The following TENT4B variants were observed in gnomAD, a reference collection of about 807,000 sequenced individuals.
TENT4B encodes terminal nucleotidyltransferase 4B.
TENT4B carries 10 observed loss-of-function variants against 75.0 expected under a neutral mutation model. The ratio of observed to expected loss-of-function variants is 0.13; its 90% CI spans 0.08 to 0.23. The LOEUF is 0.23. TENT4B is among the 10% of genes least tolerant of loss of function. TENT4B has a pLI of 1.00. For synonymous variants in TENT4B, 350 were observed against 357.7 expected, an observed-to-expected ratio of 0.98 and a Z score of 0.24; for missense variants, 579 against 893.8, an observed-to-expected ratio of 0.65 and a Z score of 4.49.
chr16:50,203,298 G>A (rs547610762), intron 1 of TENT4B, among the ~76,000 whole-genome samples: 5 of 152,060 alleles, frequency 3.3e-5, no homozygotes, highest in African/African-American at 1.2e-4. Context: ...TTTAGGGGAG[G>A]GAATGAGTTT....
At chr16:50,171,780 T>G (rs751084790) in intron 1 of TENT4B, among the ~76,000 whole-genome samples, 7 of 148,518 alleles carry the variant, frequency 4.7e-5, no homozygotes, top group Non-Finnish European at 7.5e-5. Context: ...GCCTGGCCAA[T>G]GTGGTGAAAC....
Position 50,234,679 on chromosome 16 carries a change from A to G in TENT4B, c.*5351A>G. Reference sequence around the variant, plus strand: ...AAGTCCTACAATCCTAAAATAAATCACAAGCTTGTTTGTTAGACGTGTCAA... The same window carrying G: ...AAGTCCTACAATCCTAAAATAAATCGCAAGCTTGTTTGTTAGACGTGTCAA... On this transcript the variant is annotated 3_prime_UTR_variant, in exon 12 of 12. Transcript: ENST00000561678. 1.0e-6 allele frequency: 1 copy of G among 985,462 alleles called. No homozygotes were observed. The highest frequency in any genetic ancestry group is 1.2e-6 in the Non-Finnish European group (1 of 829,932). The allele number at this position is 985,462 out of a possible 1,614,324, so 61.0% of individuals were successfully genotyped here.
Position 50,154,559 on chromosome 16 carries a change from C to T in TENT4B, c.638+300C>T, listed in dbSNP as rs184739038. 2.4e-3 allele frequency among the ~76,000 whole-genome samples: 357 copies of T among 151,514 alleles called. 3 individuals carry two copies. Among genetic ancestry groups the T allele is most frequent in the Middle Eastern group, 3.4e-3 (1 of 294 alleles). ...CCCCCCCCTTTATCCATTCACTCTC[C>T]TCCCATCCCCCTTAGTTAAACACAT... On this transcript the variant is annotated intron_variant, in intron 1 of 11. Coordinates refer to ENST00000561678, the MANE Select transcript of TENT4B (RefSeq NM_001365324.3).
In TENT4B at chr16:50,230,191, C is replaced by T. The variant is rs1329972255; in HGVS notation, c.*863C>T. 53 of 983,364 alleles carry T rather than the reference C, an allele frequency of 5.4e-5. No homozygotes were observed. The highest frequency in any genetic ancestry group is 6.3e-5 in the Non-Finnish European group (52 of 829,726). 60.9% of individuals were successfully genotyped at this position (983,364 alleles called of 1,614,324 possible). A position where few individuals can be genotyped will look rare whatever the true frequency, so the allele number is the denominator to read the frequency against. ...ATCTCTGGTCATCTCCGAGAATTAA[C>T]TTGCAACTGTTTTCTATAGTGCTGT... On this transcript the variant is annotated 3_prime_UTR_variant, in exon 12 of 12. Coordinates refer to ENST00000561678, the MANE Select transcript of TENT4B (RefSeq NM_001365324.3).
rs547479522 is a variant in TENT4B, at chr16:50,220,369, A to G, written c.1039-1937A>G. Among the ~76,000 whole-genome samples, 3 of 150,484 alleles carry G rather than the reference A, an allele frequency of 2.0e-5. No homozygotes were observed. In the East Asian group the frequency reaches 5.9e-4, roughly 29 times the overall value. On this transcript the variant is annotated intron_variant, in intron 5 of 11. Coordinates refer to ENST00000561678, the MANE Select transcript of TENT4B (RefSeq NM_001365324.3). ...TTTTTCTTTTTTTTTAAGTAGAGAT[A>G]AGGTCTTGCTATGTTGCCCAAGCTG...
At chr16:50,208,549 C>A (rs900962124) in intron 1 of TENT4B, among the ~76,000 whole-genome samples, 1 of 152,186 alleles carries the variant, frequency 6.6e-6, no homozygotes, top group Admixed American at 6.5e-5. Flanking sequence ...CTGAATCATT[C>A]ATCTGGAAGC....
intron 1 of TENT4B, among the ~76,000 whole-genome samples, chr16:50,196,556 A>G (rs992147676): frequency 1.3e-5 from 2 of 152,032 alleles, no homozygotes; most frequent in Non-Finnish European, 2.9e-5. Flanking sequence ...AGAAGCTACC[A>G]ATGTTGCTTT....
intron 11 of TENT4B, among the ~76,000 whole-genome samples, chr16:50,228,476 TAA>T (rs1438422850): frequency 1.3e-5 from 2 of 152,208 alleles, no homozygotes; most frequent in Non-Finnish European, 2.9e-5. Flanking sequence ...TACTCTAGTT[TAA>T]GTTTTTTTGT....
rs1311970970 is a variant in TENT4B at position 50,232,926 on chromosome 16, A to C, written c.*3598A>C. On this transcript the variant is annotated 3_prime_UTR_variant, in exon 12 of 12. Transcript: ENST00000561678. ...CACAGTCAAAACTAAATGGTAAACTATCAAAAATACATTCCCAATTTTGCT... is the reference window on the plus strand; with the variant it reads ...CACAGTCAAAACTAAATGGTAAACTCTCAAAAATACATTCCCAATTTTGCT... The C allele has an allele frequency of 1.0e-6, 1 of 985,448 alleles. No individual in the cohort carries two copies. Among genetic ancestry groups the C allele is most frequent in the Non-Finnish European group, 1.2e-6 (1 of 829,914 alleles). The allele number at this position is 985,448 out of a possible 1,614,324, so 61.0% of individuals were successfully genotyped here.
chr16:50,158,077 T>G (rs1457523454), intron 1 of TENT4B, among the ~76,000 whole-genome samples: 1 of 151,854 alleles, frequency 6.6e-6, no homozygotes, highest in African/African-American at 2.4e-5. Flanking sequence ...ATTTATTTAT[T>G]TAATTATGAA....
At chr16:50,178,250 GTT>G (rs1737006769) in intron 1 of TENT4B, among the ~76,000 whole-genome samples, 1 of 150,886 alleles carries the variant, frequency 6.6e-6, no homozygotes, top group South Asian at 2.1e-4. Context: ...GAGGTCAGGA[GTT>G]TGAGACCAGC....
intron 1 of TENT4B, among the ~76,000 whole-genome samples, chr16:50,178,758 A>T (rs1278366136): frequency 6.6e-6 from 1 of 152,220 alleles, no homozygotes; most frequent in Admixed American, 6.6e-5. Flanking sequence ...TATAAGAGTC[A>T]TAGAAACAGT....
At chr16:50,176,857 G>A (rs1471308172) in intron 1 of TENT4B, among the ~76,000 whole-genome samples, 1 of 151,876 alleles carries the variant, frequency 6.6e-6, no homozygotes, top group African/African-American at 2.4e-5. Context: ...ATTTTATTTA[G>A]CATTTGTGTA....
chr16:50,190,334 T>G (rs1283790934), intron 1 of TENT4B, among the ~76,000 whole-genome samples: 1 of 151,988 alleles, frequency 6.6e-6, no homozygotes, highest in Non-Finnish European at 1.5e-5. Context: ...AAACAACATT[T>G]ACCTTGTAAG....
At chr16:50,216,591 C>T (rs962783149) in intron 4 of TENT4B, among the ~76,000 whole-genome samples, 2 of 152,196 alleles carry the variant, frequency 1.3e-5, no homozygotes, top group Non-Finnish European at 2.9e-5. Context: ...GGATTACAGG[C>T]GTGAGCCACT....
chr16:50,191,867 C>T (rs1371845459), intron 1 of TENT4B, among the ~76,000 whole-genome samples: 3 of 151,722 alleles, frequency 2.0e-5, no homozygotes, highest in Non-Finnish European at 4.4e-5. Context: ...TGCGGTGAGT[C>T]GAGATCGCAC....
Position 50,229,546 on chromosome 16 carries a change from A to G in TENT4B, c.*218A>G. ...AAAAAAGCAAGCAAAAAAGAGGGAA[A>G]AAAAAGGCTGCTTATTTGATAAGTC... On this transcript the variant is annotated 3_prime_UTR_variant, in exon 12 of 12. Coordinates refer to ENST00000561678, the MANE Select transcript of TENT4B (RefSeq NM_001365324.3). 6 of 1,266,792 alleles carry G rather than the reference A, an allele frequency of 4.7e-6. No homozygotes were observed. The highest frequency in any genetic ancestry group is 5.9e-6 in the Non-Finnish European group (6 of 1,010,394). The allele number at this position is 1,266,792 out of a possible 1,614,324, so 78.5% of individuals were successfully genotyped here.
intron 5 of TENT4B, among the ~76,000 whole-genome samples, chr16:50,221,754 C>T (rs542212448): frequency 1.3e-5 from 2 of 152,060 alleles, no homozygotes; most frequent in Admixed American, 6.5e-5. Context: ...GTGTTTCTAT[C>T]CTATAGCAAG....
chr16:50,198,555 G>T (rs1304653640), intron 1 of TENT4B, among the ~76,000 whole-genome samples: 1 of 151,908 alleles, frequency 6.6e-6, no homozygotes, highest in African/African-American at 2.4e-5. Flanking sequence ...ACAGTGGGTT[G>T]CATTTTAAAA....
Sources: gnomAD v4.1 joint callset for allele counts (sites outside exome capture counted in the v4.1 genomes callset) on GRCh38, gnomAD v4.1.1 for gene constraint, MANE v1.5 for transcripts, NCBI Gene and HGNC (gene_info 2026-07-23, HGNC 2026-07-21) for gene names.